Variants in CD200R1L observed in about 807,000 individuals in gnomAD.
CD200R1L encodes cell surface glycoprotein CD200 receptor 2.
Under a neutral mutation model 24.8 loss-of-function variants are expected in CD200R1L, and 14 were observed. That is an observed-to-expected ratio of 0.56 (90% confidence interval 0.37 to 0.88). The LOEUF (loss-of-function observed/expected upper bound fraction) is 0.88, where lower values mean the gene tolerates loss of function less well. CD200R1L is among the 40% of genes least tolerant of loss of function. CD200R1L has a pLI of 0.00. For missense variants in CD200R1L, 299 were observed against 297.8 expected (o/e 1.00, Z -0.03); for synonymous variants, 111 against 109.2 (o/e 1.02, Z -0.11).
chr3:112,843,853 A>G (rs1202594936), intron 2 of CD200R1L, among the ~76,000 whole-genome samples: 1 of 152,218 alleles, frequency 6.6e-6, no homozygotes, highest in Non-Finnish European at 1.5e-5. Flanking sequence ...AAAGGGGTGG[A>G]AAAAGATCTA....
In CD200R1L at chr3:112,827,285, A is replaced by G. The variant is rs1430617356; in HGVS notation, c.368-44T>C. Reference sequence around the variant, plus strand: ...GAAAAAAATGCTTCAGTTTTCACATAAAGCATATGGAATTCAGAGAGACAT... The same window carrying G: ...GAAAAAAATGCTTCAGTTTTCACATGAAGCATATGGAATTCAGAGAGACAT... On this transcript the variant is annotated intron_variant, in intron 5 of 7. Transcript: ENST00000488794. 12 of 1,591,202 alleles carry G rather than the reference A, an allele frequency of 7.5e-6. No individual in the cohort carries two copies. In the South Asian group the frequency reaches 1.3e-4, roughly 17 times the overall value.
intron 4 of CD200R1L, 112 bp downstream of exon 4, chr3:112,829,207 T>C: frequency 1.3e-6 from 1 of 771,730 alleles, no homozygotes. Context: ...CAGATCAACA[T>C]GTTCTTCAAG....
chr3:112,838,092 A>G (rs1938999755), intron 2 of CD200R1L, 82 bp from the exon 3 acceptor site: 2 of 435,688 alleles, frequency 4.6e-6, no homozygotes, highest in Non-Finnish European at 3.6e-6. Flanking sequence ...CTGATTTCAT[A>G]TAAGATAATC....
At position 112,827,229 on chromosome 3, in the gene CD200R1L, A is replaced by T; in HGVS notation, c.380T>A (p.Val127Glu). 6.2e-7 allele frequency: 1 copy of T among 1,611,092 alleles called. No individual in the cohort carries two copies. Among genetic ancestry groups the T allele is most frequent in the Non-Finnish European group, 8.5e-7 (1 of 1,178,620 alleles). The change falls in exon 6 of 8, where the codon GTG becomes GAG. Residue 127 changes from valine to glutamate, a missense_variant. Coordinates refer to ENST00000488794, the MANE Select transcript of CD200R1L (RefSeq NM_001199215.3). ...TATATTCCTGCTTTGAAATAGGTTC[A>T]CTTCGGGTGTAACTGCAGAGAGGAA... Reference protein sequence around the residue: ...YHLQVLVTPEVNLFQSRNITA... With the variant: ...YHLQVLVTPEENLFQSRNITA...
chr3:112,825,463 C>G (rs959630601), intron 6 of CD200R1L, among the ~76,000 whole-genome samples: 8 of 149,360 alleles, frequency 5.4e-5, no homozygotes, highest in Non-Finnish European at 7.4e-5. Flanking sequence ...ATAAATATTA[C>G]AAAGAAGCTA....
chr3:112,826,822 G>C (rs916562623), intron 6 of CD200R1L, among the ~76,000 whole-genome samples, 171 bp downstream of exon 6: 4 of 152,106 alleles, frequency 2.6e-5, no homozygotes, highest in African/African-American at 9.7e-5. Flanking sequence ...TATTTTTATG[G>C]CTGTTCTACT....
chr3:112,824,044 T>C (rs1393052929), intron 6 of CD200R1L, among the ~76,000 whole-genome samples: 2 of 152,118 alleles, frequency 1.3e-5, no homozygotes, highest in East Asian at 3.9e-4. Flanking sequence ...GGAGATAAAT[T>C]GGAGGAAGTT....
At chr3:112,834,023 G>A (rs148977938) in intron 3 of CD200R1L, among the ~76,000 whole-genome samples, 11 of 152,334 alleles carry the variant, frequency 7.2e-5, no homozygotes, top group African/African-American at 2.4e-4. Context: ...AAGGTGTGGG[G>A]TAGAGGCATG....
rs1939205206 is a variant in CD200R1L at position 112,846,633 on chromosome 3, A to T, written c.-367T>A. 1.3e-5 allele frequency: 2 copies of T among 152,220 alleles called. No homozygotes were observed. The highest frequency in any genetic ancestry group is 2.4e-5 in the African/African-American group (1 of 41,462). 9.4% of individuals were successfully genotyped at this position (152,220 alleles called of 1,614,324 possible). On this transcript the variant is annotated 5_prime_UTR_variant, in exon 1 of 8. Transcript: ENST00000488794. Reference sequence around the variant, plus strand: ...ATTCTAATCCCCAGTACCTCAGAAGATGACCTTATTTGGAAATAGGGTCAT... The same window carrying T: ...ATTCTAATCCCCAGTACCTCAGAAGTTGACCTTATTTGGAAATAGGGTCAT...
intron 2 of CD200R1L, among the ~76,000 whole-genome samples, chr3:112,839,426 C>G (rs1234651670): frequency 6.6e-6 from 1 of 152,180 alleles, no homozygotes; most frequent in African/African-American, 2.4e-5. Flanking sequence ...TTACATATAA[C>G]AAGATTGGCT....
intron 6 of CD200R1L, 58 bp downstream of exon 6, chr3:112,826,935 T>G: frequency 6.7e-7 from 1 of 1,503,372 alleles, no homozygotes; most frequent in Admixed American, 2.3e-5. Flanking sequence ...TTCGTTATTT[T>G]CTATGGAAGA....
At chr3:112,845,606 G>T in intron 2 of CD200R1L, 73 bp downstream of exon 2, 1 of 1,204,972 alleles carries the variant, frequency 8.3e-7, no homozygotes, top group Non-Finnish European at 1.2e-6. Flanking sequence ...TAAGTAAGTA[G>T]ATCAAGAGTA....
At chr3:112,833,340 A>G (rs1938856617) in intron 3 of CD200R1L, among the ~76,000 whole-genome samples, 1 of 152,236 alleles carries the variant, frequency 6.6e-6, no homozygotes, top group South Asian at 2.1e-4. Flanking sequence ...TGTGATAAAG[A>G]TGAAATGTGG....
At chr3:112,828,347 T>A (rs1410406494) in intron 4 of CD200R1L, among the ~76,000 whole-genome samples, 1 of 152,192 alleles carries the variant, frequency 6.6e-6, no homozygotes, top group Non-Finnish European at 1.5e-5. Context: ...GATCCACAGA[T>A]CTTTAAAAAA....
At chr3:112,819,668 C>CA in intron 7 of CD200R1L, 104 bp downstream of exon 7, 1 of 1,274,744 alleles carries the variant, frequency 7.8e-7, no homozygotes, top group Admixed American at 3.3e-5. Flanking sequence ...TACAACATAC[C>CA]AAAAAAGTGT....
intron 6 of CD200R1L, among the ~76,000 whole-genome samples, chr3:112,821,689 T>C (rs1418010122): frequency 6.6e-6 from 1 of 152,212 alleles, no homozygotes; most frequent in African/African-American, 2.4e-5. Flanking sequence ...TGTTTTGATC[T>C]GTGCAAATTG....
chr3:112,816,201 T>G (rs1378609707), intron 7 of CD200R1L, among the ~76,000 whole-genome samples: 1 of 152,314 alleles, frequency 6.6e-6, no homozygotes, highest in Admixed American at 6.5e-5. Flanking sequence ...CTTATATGCC[T>G]GGGATCAAGT....
rs921820684 is a variant in CD200R1L, at chr3:112,837,938, T to G, written c.-18+4A>C. On this transcript the variant is annotated splice_donor_region_variant and intron_variant, in intron 3 of 7. Transcript: ENST00000488794. ...ACTGGTTATTAAGTAAGTGAGCATT[T>G]TACCTTCATTAAGACGTATTCTCTA... 1 of 1,195,572 alleles carries G rather than the reference T, an allele frequency of 8.4e-7. No individual in the cohort carries two copies. Among genetic ancestry groups the G allele is most frequent in the African/African-American group, 1.7e-5 (1 of 59,356 alleles). 74.1% of individuals were successfully genotyped at this position (1,195,572 alleles called of 1,614,324 possible). A position where few individuals can be genotyped will look rare whatever the true frequency, so the allele number is the denominator to read the frequency against.
At chr3:112,837,677 CCA>C (rs1408258860) in intron 3 of CD200R1L, among the ~76,000 whole-genome samples, 1 of 152,188 alleles carries the variant, frequency 6.6e-6, no homozygotes, top group East Asian at 1.9e-4. Flanking sequence ...TTGTCTAATT[CCA>C]AGACCAGAAT....
Sources: gnomAD v4.1 joint callset for allele counts (sites outside exome capture counted in the v4.1 genomes callset) on GRCh38, gnomAD v4.1.1 for gene constraint, MANE v1.5 for transcripts, NCBI Gene and HGNC (gene_info 2026-07-23, HGNC 2026-07-21) for gene names.